The following PASD1 variants were observed in gnomAD, a reference collection of about 807,000 sequenced individuals.
PASD1 encodes circadian clock protein PASD1.
In PASD1, 13 loss-of-function variants were observed where a neutral mutation model predicts 58.8. The ratio of observed to expected loss-of-function variants is 0.22; its 90% CI spans 0.14 to 0.35. PASD1 has a LOEUF of 0.35. Ranked by LOEUF, PASD1 falls within the 10% of genes least tolerant of loss-of-function variation. PASD1 has a pLI of 1.00. For synonymous variants in PASD1, 236 were observed against 216.7 expected (o/e 1.09, Z -0.78); for missense variants, 734 against 568.3 (o/e 1.29, Z -2.96).
intron 9 of PASD1, among the ~76,000 whole-genome samples, chrX:151,656,765 C>T (rs1386208458): frequency 9.9e-5 from 11 of 111,667 alleles, no homozygotes; most frequent in Non-Finnish European, 1.7e-4. Context: ...TGGGCTGAGA[C>T]GATGGGGTTT....
intron 8 of PASD1, among the ~76,000 whole-genome samples, chrX:151,646,943 T>A (rs963912696): frequency 8.9e-6 from 1 of 112,366 alleles, no homozygotes; most frequent in Non-Finnish European, 1.9e-5. Context: ...ATAAGAAACA[T>A]TCATATAAGG....
At chrX:151,581,986 CTTTTT>C (rs72381794) in intron 1 of PASD1, among the ~76,000 whole-genome samples, 1 of 74,324 alleles carries the variant, frequency 1.3e-5, no homozygotes, top group African/African-American at 5.4e-5. Context: ...TTTCTTTTTC[CTTTTT>C]TTTTTTTTTT....
intron 1 of PASD1, among the ~76,000 whole-genome samples, chrX:151,566,343 C>A (rs2012841326): frequency 8.9e-6 from 1 of 112,264 alleles, no homozygotes; most frequent in African/African-American, 3.2e-5. Context: ...CCCATCTTCC[C>A]CAAAGAGGAG....
chrX:151,564,741 G>T (rs1486631418), intron 1 of PASD1, among the ~76,000 whole-genome samples: 2 of 109,160 alleles, frequency 1.8e-5, no homozygotes, highest in Non-Finnish European at 3.8e-5. Flanking sequence ...AAATTAGCTG[G>T]GCGTGTGGTG....
At chrX:151,627,466 T>G (rs1446633914) in intron 8 of PASD1, among the ~76,000 whole-genome samples, 1 of 110,758 alleles carries the variant, frequency 9.0e-6, no homozygotes, top group Non-Finnish European at 1.9e-5. Flanking sequence ...TTTGGTTTTT[T>G]GTCCTTGCCA....
chrX:151,581,226 TCAAAAAA>T (rs2013086771), intron 1 of PASD1, among the ~76,000 whole-genome samples: 1 of 2,010 alleles, frequency 5.0e-4, no homozygotes, highest in African/African-American at 1.2e-3. Flanking sequence ...AAGCTCTGTA[TCAAAAAA>T]AAAAAAAAAA....
intron 10 of PASD1, among the ~76,000 whole-genome samples, chrX:151,663,095 A>G (rs1288378828): frequency 8.9e-6 from 1 of 111,996 alleles, no homozygotes; most frequent in Non-Finnish European, 1.9e-5. Flanking sequence ...ACTCTTTGAT[A>G]TATACAGTTC....
chrX:151,660,764 T>C (rs1288668165), intron 10 of PASD1, among the ~76,000 whole-genome samples: 1 of 112,768 alleles, frequency 8.9e-6, no homozygotes, highest in East Asian at 2.8e-4. Context: ...TAGCAGCTTA[T>C]GGCTGATATG....
chrX:151,640,074 GA>G lies in PASD1; in HGVS notation c.630-8536del, dbSNP rs746863400. Among the ~76,000 whole-genome samples the G allele has an allele frequency of 4.5e-5, 5 of 112,043 alleles. No individual in the cohort carries two copies. The South Asian group carries it at 1.5e-3, about 34-fold the overall frequency. On this transcript the variant is annotated intron_variant, in intron 8 of 15. Transcript: ENST00000370357. ...CAATAATAGTCCTATAAAAGTGACA[GA>G]AAAACCATATACCATGTTACCTTAG...
intron 1 of PASD1, among the ~76,000 whole-genome samples, chrX:151,591,165 C>A (rs1302641324): frequency 9.0e-6 from 1 of 111,256 alleles, no homozygotes; most frequent in East Asian, 2.8e-4. Flanking sequence ...GGGCCTTATC[C>A]CAATTAGACA....
chrX:151,626,575 G>A (rs2013791152), intron 8 of PASD1, among the ~76,000 whole-genome samples: 2 of 111,492 alleles, frequency 1.8e-5, no homozygotes, highest in Admixed American at 9.6e-5. Flanking sequence ...TCTAGTATTG[G>A]GAGGGGATTA....
intron 3 of PASD1, among the ~76,000 whole-genome samples, chrX:151,611,201 A>G (rs1309956545): frequency 8.9e-6 from 1 of 112,165 alleles, no homozygotes; most frequent in Non-Finnish European, 1.9e-5. Flanking sequence ...CATTTTAGAT[A>G]TTCTCTACCA....
chrX:151,597,550 A>G (rs2124247379), intron 1 of PASD1, among the ~76,000 whole-genome samples: 1 of 111,690 alleles, frequency 9.0e-6, no homozygotes, highest in East Asian at 2.8e-4. Context: ...ATGTTTCTTG[A>G]TTAATCTTGT....
intron 9 of PASD1, among the ~76,000 whole-genome samples, chrX:151,655,047 C>T (rs1213483727): frequency 2.7e-5 from 3 of 109,754 alleles, no homozygotes; most frequent in Admixed American, 9.7e-5. Flanking sequence ...TGTTCCCCTT[C>T]CTGTGTCCAA....
intron 11 of PASD1, among the ~76,000 whole-genome samples, chrX:151,665,389 A>C (rs186093741): frequency 3.5e-4 from 39 of 112,134 alleles, no homozygotes; most frequent in African/African-American, 1.2e-3. Flanking sequence ...ACTTTTAAAA[A>C]ATCACCAAAA....
chrX:151,621,707 C>A, intron 6 of PASD1, 115 bp downstream of exon 6: 1 of 415,400 alleles, frequency 2.4e-6, no homozygotes, highest in Non-Finnish European at 3.9e-6. Context: ...TCCCTATGGC[C>A]ACAGTTTCTG....
At chrX:151,646,546 A>G (rs1030859374) in intron 8 of PASD1, among the ~76,000 whole-genome samples, 2 of 112,453 alleles carry the variant, frequency 1.8e-5, no homozygotes, top group Admixed American at 1.9e-4. Context: ...TTAAATTTTG[A>G]TTTAGCCACA....
At chrX:151,672,983 C>A in intron 14 of PASD1, 1 of 234,848 alleles carries the variant, frequency 4.3e-6, no homozygotes, top group Non-Finnish European at 7.6e-6. Context: ...GTCTCTTGCA[C>A]AGGGTGTCTA....
intron 8 of PASD1, among the ~76,000 whole-genome samples, chrX:151,629,801 A>G (rs991393438): frequency 5.4e-5 from 6 of 111,898 alleles, no homozygotes; most frequent in African/African-American, 1.6e-4. Flanking sequence ...TTTATTTAGC[A>G]GGTTTGGGTA....
Sources: allele counts gnomAD v4.1 joint callset (sites outside exome capture counted in the v4.1 genomes callset), GRCh38; gene constraint gnomAD v4.1.1; transcripts MANE v1.5; gene names NCBI Gene and HGNC (gene_info 2026-07-23, HGNC 2026-07-21).